The following ITPK1 variants were observed in gnomAD, a reference collection of about 807,000 sequenced individuals.
ITPK1 encodes inositol 1,3,4-trisphosphate 5/6-kinase.
In ITPK1, 21 loss-of-function variants were observed where a neutral mutation model predicts 45.3. That is an observed-to-expected ratio of 0.46 (90% CI 0.33 to 0.67). The LOEUF (loss-of-function observed/expected upper bound fraction) is 0.67, where lower values mean the gene tolerates loss of function less well. Ranked by LOEUF, ITPK1 falls within the 30% of genes least tolerant of loss-of-function variation. The pLI, the probability that ITPK1 is intolerant of heterozygous loss-of-function variation, is 0.02. For synonymous variants in ITPK1, 258 were observed against 253.6 expected (o/e 1.02, Z -0.16); for missense variants, 474 against 573.5 (o/e 0.83, Z 1.77).
chr14:93,090,762 T>C (rs990153516), intron 2 of ITPK1, among the ~76,000 whole-genome samples: 5 of 152,046 alleles, frequency 3.3e-5, no homozygotes. Context: ...GGCCAAGAAA[T>C]GTATTTTTTT....
chr14:93,007,864 C>T (rs988217728), intron 4 of ITPK1, among the ~76,000 whole-genome samples: 1 of 152,268 alleles, frequency 6.6e-6, no homozygotes, highest in African/African-American at 2.4e-5. Flanking sequence ...CCTTCCTCCT[C>T]AGAGAGCTTG....
chr14:92,965,499 G>A (rs1885295080), intron 5 of ITPK1, among the ~76,000 whole-genome samples: 1 of 152,230 alleles, frequency 6.6e-6, no homozygotes, highest in African/African-American at 2.4e-5. Flanking sequence ...ACGGCCATTA[G>A]GCAAGAAAAA....
intron 3 of ITPK1, among the ~76,000 whole-genome samples, chr14:93,041,629 C>G (rs986959511): frequency 6.6e-6 from 1 of 152,224 alleles, no homozygotes; most frequent in African/African-American, 2.4e-5. Flanking sequence ...CCTGCCCAGC[C>G]CACACCCGGG....
rs76759567 is a variant in ITPK1 at position 92,954,798 on chromosome 14, T to G, written c.671-2785A>C. Reference sequence around the variant, plus strand: ...GGAGAATGTGTCCTAATGCTACAGATGGTGACCCAAGTCATCTTCCAGTTG... The same window carrying G: ...GGAGAATGTGTCCTAATGCTACAGAGGGTGACCCAAGTCATCTTCCAGTTG... On this transcript the variant is annotated intron_variant, in intron 8 of 10. Coordinates refer to ENST00000267615, the MANE Select transcript of ITPK1 (RefSeq NM_014216.6). Among the ~76,000 whole-genome samples the G allele has an allele frequency of 8.9e-3, 1,351 of 152,272 alleles. 15 individuals are homozygous for G. The highest frequency in any genetic ancestry group is 0.031 in the African/African-American group (1,269 of 41,554).
intron 3 of ITPK1, among the ~76,000 whole-genome samples, chr14:93,030,137 G>A (rs574530080): frequency 6.6e-6 from 1 of 152,246 alleles, no homozygotes; most frequent in Non-Finnish European, 1.5e-5. Flanking sequence ...CATGGGAACT[G>A]AGGGTGTGAG....
intron 3 of ITPK1, among the ~76,000 whole-genome samples, chr14:93,047,919 G>A (rs540790269): frequency 6.6e-6 from 1 of 152,324 alleles, no homozygotes; most frequent in Non-Finnish European, 1.5e-5. Flanking sequence ...ACTTTCACAA[G>A]GAGCATGAAA....
chr14:93,070,654 GAGCC>G (rs1890957226), intron 3 of ITPK1: 3 of 152,284 alleles, frequency 2.0e-5, no homozygotes, highest in Non-Finnish European at 4.4e-5. Flanking sequence ...GTCTTCCAGG[GAGCC>G]TTCCTGATTT....
At chr14:92,984,835 A>C (rs1566715902) in intron 5 of ITPK1, among the ~76,000 whole-genome samples, 1 of 152,208 alleles carries the variant, frequency 6.6e-6, no homozygotes, top group Non-Finnish European at 1.5e-5. Context: ...TGTTCGGTAA[A>C]TACCACAGTA....
intron 7 of ITPK1, among the ~76,000 whole-genome samples, chr14:92,960,111 C>A (rs149834543): frequency 1.3e-5 from 2 of 152,368 alleles, no homozygotes; most frequent in East Asian, 3.9e-4. Context: ...CACAGAGAGT[C>A]CGCTGGGGTC....
At chr14:93,090,342 C>G (rs1416940750) in intron 2 of ITPK1, among the ~76,000 whole-genome samples, 2 of 152,216 alleles carry the variant, frequency 1.3e-5, no homozygotes, top group Non-Finnish European at 2.9e-5. Flanking sequence ...ACCATCCTCT[C>G]AGAGGGCGGT....
At position 93,066,407 on chromosome 14, in the gene ITPK1, C is replaced by CTTT. The variant is rs751357627; in HGVS notation, c.120+10185_120+10187dup. ...ACTGCCAAGGTGACATTTAGCAATT[C>CTTT]TTTTTTTTTTTTTTTTTGAGACGGA... is the stretch of plus-strand genomic sequence containing the variant. On this transcript the variant is annotated intron_variant, in intron 3 of 10. Coordinates refer to ENST00000267615, the MANE Select transcript of ITPK1 (RefSeq NM_014216.6). The CTTT allele has an allele frequency of 8.6e-4, 252 of 293,554 alleles. 1 individual carries two copies. The highest frequency in any genetic ancestry group is 2.0e-3 in the East Asian group (19 of 9,598). The allele number at this position is 293,554 out of a possible 1,614,324, so 18.2% of individuals were successfully genotyped here. A position where few individuals can be genotyped will look rare whatever the true frequency, so the allele number is the denominator to read the frequency against.
intron 10 of ITPK1, among the ~76,000 whole-genome samples, chr14:92,943,610 C>T (rs1047527921): frequency 6.6e-6 from 1 of 152,254 alleles, no homozygotes; most frequent in African/African-American, 2.4e-5. Context: ...CTCCAGCAAC[C>T]TCCTCCAGCA....
At position 92,958,288 on chromosome 14, in the gene ITPK1, C is replaced by T. The variant is rs1884854821; in HGVS notation, c.583G>A (p.Ala195Thr). The T allele has an allele frequency of 1.2e-6, 2 of 1,614,164 alleles. No homozygotes were observed. The highest frequency in any genetic ancestry group is 8.5e-7 in the Non-Finnish European group (1 of 1,180,006). ...CVVQNFINHN[A>T]VLYKVFVVGE... ...ACCACGAACACCTTGTACAGGACGGCGTTGTGGTTGATGAAATTCTGGACC... is the reference window on the plus strand; with the variant it reads ...ACCACGAACACCTTGTACAGGACGGTGTTGTGGTTGATGAAATTCTGGACC... Residue 195 changes from alanine to threonine, a missense_variant, in exon 8 of 11, where the codon GCC becomes ACC. This residue lies in a region of ITPK1 where 367 missense variants were observed against 480.6 expected (regional missense o/e 0.76). Transcript: ENST00000267615. This position sits in a 1 kb window ranked among gnomAD's most constrained non-coding sequence, Gnocchi z 4.4.
intron 2 of ITPK1, among the ~76,000 whole-genome samples, chr14:93,111,515 A>G (rs1163978353): frequency 6.6e-6 from 1 of 152,136 alleles, no homozygotes; most frequent in Non-Finnish European, 1.5e-5. Context: ...GTTCGAGACC[A>G]GCCTGGACAA....
intron 5 of ITPK1, among the ~76,000 whole-genome samples, chr14:92,979,883 GCTCACTGCAGCCTCAGC>G (rs1207502394): frequency 6.6e-6 from 1 of 151,162 alleles, no homozygotes; most frequent in African/African-American, 2.4e-5. Context: ...TGTGATCTCA[GCTCACTGCAGCCTCAGC>G]CTCCTAAGTA....
intron 2 of ITPK1, among the ~76,000 whole-genome samples, chr14:93,084,609 CCTGA>C (rs1351869821): frequency 1.3e-5 from 2 of 152,180 alleles, no homozygotes; most frequent in African/African-American, 4.8e-5. Flanking sequence ...CCTGGCCTAT[CCTGA>C]CTAACAAGCA....
chr14:93,114,981 C>A, intron 2 of ITPK1, 88 bp downstream of exon 2: 1 of 706,264 alleles, frequency 1.4e-6, no homozygotes. Context: ...TCTCCCAAAA[C>A]AACTAATGAG....
chr14:93,040,671 C>A (rs943887447), intron 3 of ITPK1, among the ~76,000 whole-genome samples: 1 of 152,160 alleles, frequency 6.6e-6, no homozygotes, highest in Non-Finnish European at 1.5e-5. Flanking sequence ...CCATTCAATG[C>A]CCCCCTCTCC....
rs145163337 is a variant in ITPK1 at position 92,941,341 on chromosome 14, G to T, written c.*220C>A. ...TAGGAGGTCTGCACAGTAGAGAGCA[G>T]GCGGACGGCCCCACTCCCCAACGGT... On this transcript the variant is annotated 3_prime_UTR_variant, in exon 11 of 11. Transcript: ENST00000267615. 4.3e-4 allele frequency: 612 copies of T among 1,411,244 alleles called. 2 individuals are homozygous for T. In the African/African-American group the frequency reaches 8.0e-3, roughly 18 times the overall value. The allele number at this position is 1,411,244 out of a possible 1,614,324, so 87.4% of individuals were successfully genotyped here. A position where few individuals can be genotyped will look rare whatever the true frequency, so the allele number is the denominator to read the frequency against.
Sources: gnomAD v4.1 joint callset for allele counts (sites outside exome capture counted in the v4.1 genomes callset) on GRCh38, gnomAD v4.1.1 for gene constraint, gnomAD v4.1.1 regional missense constraint, Gnocchi (gnomAD v3.1) non-coding constraint, MANE v1.5 for transcripts, NCBI Gene and HGNC (gene_info 2026-07-23, HGNC 2026-07-21) for gene names.